Variants in UGT1A10 observed in about 807,000 individuals in gnomAD.
UGT1A10 encodes UDP-glucuronosyltransferase 1A10.
Under a neutral mutation model 45.8 loss-of-function variants are expected in UGT1A10, and 49 were observed. The ratio of observed to expected loss-of-function variants is 1.07; its 90% CI spans 0.85 to 1.36. UGT1A10 has a LOEUF of 1.36. Ranked by LOEUF, UGT1A10 falls within the 40% of genes most tolerant of loss-of-function variation. The probability of loss-of-function intolerance (pLI) is 0.00; values close to 1 mark genes in which losing one functional copy is unlikely to be tolerated. For synonymous variants in UGT1A10, 284 were observed against 249.7 expected, an observed-to-expected ratio of 1.14 and a Z score of -1.29; for missense variants, 745 against 668.6, an observed-to-expected ratio of 1.11 and a Z score of -1.26.
intron 1 of UGT1A10, chr2:233,753,490 A>T (rs1695218587): frequency 6.6e-6 from 1 of 152,072 alleles, no homozygotes. Context: ...GCTGCTCTTA[A>T]TTTTTTTCAG....
chr2:233,649,193 A>G (rs1365623013), intron 1 of UGT1A10, among the ~76,000 whole-genome samples: 1 of 152,226 alleles, frequency 6.6e-6, no homozygotes, highest in Non-Finnish European at 1.5e-5. Flanking sequence ...AGCAACTTTT[A>G]TATAATGGCC....
intron 1 of UGT1A10, among the ~76,000 whole-genome samples, chr2:233,687,413 G>T (rs1169237958): frequency 6.6e-6 from 1 of 151,954 alleles, no homozygotes; most frequent in African/African-American, 2.4e-5. Flanking sequence ...ACATATATTG[G>T]AGGCTTACCG....
At chr2:233,690,756 GACAT>G (rs574129066) in intron 1 of UGT1A10, 1,028 of 1,081,026 alleles carry the variant, frequency 9.5e-4, no homozygotes, top group South Asian at 5.0e-3. Flanking sequence ...GTCCAGTGCA[GACAT>G]ACACACACAC....
rs188026609 is a variant in UGT1A10 at position 233,667,892 on chromosome 2, T to G, written c.855+30515T>G. On this transcript the variant is annotated intron_variant, in intron 1 of 4. Coordinates refer to ENST00000344644, the MANE Select transcript of UGT1A10 (RefSeq NM_019075.4). The stretch of plus-strand genomic sequence containing the variant: ...AAAAGTCAGGAAACAACAGGTGCTG[T>G]AGAGGATGTGGAGAAATAGGAACAC... Among the ~76,000 whole-genome samples, 178 of 152,244 alleles carry G rather than the reference T, an allele frequency of 1.2e-3. 1 individual carries two copies. The highest frequency in any genetic ancestry group is 4.1e-3 in the African/African-American group (170 of 41,552).
chr2:233,729,041 C>G, intron 1 of UGT1A10: 1 of 1,605,398 alleles, frequency 6.2e-7, no homozygotes, highest in East Asian at 2.2e-5. Context: ...CTAAGTGGCT[C>G]AGTGACAAGG....
At chr2:233,730,791 G>A (rs530253240) in intron 1 of UGT1A10, among the ~76,000 whole-genome samples, 3 of 152,260 alleles carry the variant, frequency 2.0e-5, no homozygotes, top group African/African-American at 7.2e-5. Context: ...TGGGGACAGT[G>A]ATGAATGGAC....
Position 233,769,415 on chromosome 2 carries a change from G to A in UGT1A10, c.1295+976G>A. On this transcript the variant is annotated intron_variant, in intron 4 of 4. Coordinates refer to ENST00000344644, the MANE Select transcript of UGT1A10 (RefSeq NM_019075.4). This position sits in a 1 kb window ranked among gnomAD's most constrained non-coding sequence, Gnocchi z 4.4. Reference sequence around the variant, plus strand: ...TGTGTGCATATGTGCGTGTGCGTTTGTGCATGTGGCTGTGCTCATGTGTGG... The same window carrying A: ...TGTGTGCATATGTGCGTGTGCGTTTATGCATGTGGCTGTGCTCATGTGTGG... The A allele has an allele frequency of 1.4e-6, 2 of 1,401,966 alleles. No homozygotes were observed. Among genetic ancestry groups the A allele is most frequent in the Non-Finnish European group, 2.0e-6 (2 of 1,003,386 alleles). The allele number at this position is 1,401,966 out of a possible 1,614,324, so 86.8% of individuals were successfully genotyped here.
chr2:233,755,042 G>GCCGCCCT (rs756876543), intron 1 of UGT1A10: 2 of 1,323,886 alleles, frequency 1.5e-6, no homozygotes, highest in African/African-American at 3.0e-5. Context: ...CGCCTGCGCA[G>GCCGCCCT]CCGCCCTCCG....
At chr2:233,727,367 A>G (rs1174142839) in intron 1 of UGT1A10, among the ~76,000 whole-genome samples, 6 of 152,052 alleles carry the variant, frequency 3.9e-5, no homozygotes, top group Non-Finnish European at 7.4e-5. Flanking sequence ...TAGGGCCCCT[A>G]GGTCTCTGGA....
Position 233,767,857 on chromosome 2 carries a change from G to T in UGT1A10, c.996G>T (p.Trp332Cys). 6.2e-7 allele frequency: 1 copy of T among 1,614,112 alleles called. No individual in the cohort carries two copies. Among genetic ancestry groups the T allele is most frequent in the South Asian group, 1.1e-5 (1 of 91,072 alleles). The change falls in exon 3 of 5, where the codon TGG becomes TGT. Residue 332 changes from tryptophan to cysteine, a missense_variant. By Grantham distance (215) the Trp-to-Cys change is radical (BLOSUM62 -2). Transcript: ENST00000344644. ...CTTTTTGCCCCTCCCAGGTCCTGTG[G>T]CGGTACACTGGAACCCGACCATCGA... is the stretch of plus-strand genomic sequence containing the variant. The part of the protein sequence containing the change: ...ALGKIPQTVL[W>C]RYTGTRPSNL...
At chr2:233,642,729 C>A (rs965943066) in intron 1 of UGT1A10, among the ~76,000 whole-genome samples, 1 of 152,302 alleles carries the variant, frequency 6.6e-6, no homozygotes, top group East Asian at 1.9e-4. Flanking sequence ...CTTTAGGGGG[C>A]ACCCCAAGCC....
At chr2:233,649,866 T>C (rs2073696378) in intron 1 of UGT1A10, among the ~76,000 whole-genome samples, 1 of 152,222 alleles carries the variant, frequency 6.6e-6, no homozygotes, top group Non-Finnish European at 1.5e-5. Flanking sequence ...CACTTTCATC[T>C]CTTGGTAGCC....
At chr2:233,667,304 G>C (rs1333354570) in intron 1 of UGT1A10, among the ~76,000 whole-genome samples, 3 of 152,132 alleles carry the variant, frequency 2.0e-5, no homozygotes, top group African/African-American at 7.2e-5. Flanking sequence ...TTTAATAAAT[G>C]GTGCTGGGAA....
intron 1 of UGT1A10, among the ~76,000 whole-genome samples, chr2:233,735,342 T>C (rs542444977): frequency 6.6e-6 from 1 of 152,338 alleles, no homozygotes; most frequent in South Asian, 2.1e-4. Context: ...CCCTGCTTTT[T>C]TTTTGCTTTC....
At chr2:233,754,291 C>A in intron 1 of UGT1A10, 1 of 232,626 alleles carries the variant, frequency 4.3e-6, no homozygotes. Flanking sequence ...ACATTCTGTC[C>A]TAGCACTAGG....
chr2:233,717,717 G>A (rs1199377056), intron 1 of UGT1A10: 3 of 454,162 alleles, frequency 6.6e-6, no homozygotes, highest in Non-Finnish European at 1.3e-5. Flanking sequence ...AGCCTCATGG[G>A]CATGAGACCA....
intron 1 of UGT1A10, among the ~76,000 whole-genome samples, chr2:233,739,591 A>G (rs1168913581): frequency 1.3e-5 from 2 of 152,242 alleles, no homozygotes; most frequent in Non-Finnish European, 2.9e-5. Flanking sequence ...CATGGGGCCT[A>G]TAGCCCCTTT....
intron 1 of UGT1A10, chr2:233,692,179 T>C (rs990678546): frequency 1.3e-5 from 2 of 152,300 alleles, no homozygotes; most frequent in African/African-American, 4.8e-5. Context: ...TCAGAGAGCT[T>C]TCAGGTTGCT....
At chr2:233,743,677 G>A (rs1026564745) in intron 1 of UGT1A10, 2 of 1,367,100 alleles carry the variant, frequency 1.5e-6, no homozygotes, top group African/African-American at 1.5e-5. Flanking sequence ...CGAAGGGCCT[G>A]CCGCCTGTGC....
Sources: gnomAD v4.1 joint callset for allele counts (sites outside exome capture counted in the v4.1 genomes callset) on GRCh38, gnomAD v4.1.1 for gene constraint, Gnocchi (gnomAD v3.1) non-coding constraint, MANE v1.5 for transcripts, NCBI Gene and HGNC (gene_info 2026-07-23, HGNC 2026-07-21) for gene names.